ANTXR1: variants seen among roughly 807,000 people sequenced by gnomAD.
ANTXR1 encodes anthrax toxin receptor 1.
In ANTXR1, 19 loss-of-function variants were observed where a neutral mutation model predicts 78.1. The observed-to-expected ratio is 0.24, with a 90% CI of 0.17 to 0.36. ANTXR1 has a LOEUF of 0.36. Ranked by LOEUF, ANTXR1 falls within the 10% of genes least tolerant of loss-of-function variation. The pLI, the probability that ANTXR1 is intolerant of heterozygous loss-of-function variation, is 1.00. For synonymous variants in ANTXR1, 273 were observed against 260.5 expected (o/e 1.05, Z -0.46); for missense variants, 518 against 718.6 (o/e 0.72, Z 3.19).
chr2:69,078,815 T>A (rs1467029893), intron 8 of ANTXR1, among the ~76,000 whole-genome samples: 1 of 152,242 alleles, frequency 6.6e-6, no homozygotes, highest in Non-Finnish European at 1.5e-5. Context: ...CGGATATTAA[T>A]GTCAGCTTCC....
intron 1 of ANTXR1, among the ~76,000 whole-genome samples, chr2:69,029,339 CA>C (rs1671457347): frequency 6.7e-6 from 1 of 149,078 alleles, no homozygotes; most frequent in Admixed American, 6.7e-5. Flanking sequence ...GATATATACA[CA>C]ATAACAATTC....
At chr2:69,017,851 T>A (rs760486734) in intron 1 of ANTXR1, among the ~76,000 whole-genome samples, 1 of 152,172 alleles carries the variant, frequency 6.6e-6, no homozygotes, top group Non-Finnish European at 1.5e-5. Context: ...CCAAGATGAA[T>A]GCACCCATTT....
At position 69,102,908 on chromosome 2, in the gene ANTXR1, G is replaced by C; in HGVS notation, c.770G>C (p.Cys257Ser). Reference protein sequence around the residue: ...RHARNVDRVLCSFKINDSVTL... With the variant: ...RHARNVDRVLSSFKINDSVTL... ...GCCCGCAACGTGGACAGGGTCCTCT[G>C]CAGCTTCAAGATCAATGACTCGGTC... The change falls in exon 10 of 18, where the codon TGC becomes TCC. Residue 257 changes from cysteine (C) to serine (S), a missense_variant. By Grantham distance (112) the Cys-to-Ser change is moderately radical. Coordinates refer to ENST00000303714, the MANE Select transcript of ANTXR1 (RefSeq NM_032208.3). 1 of 1,614,150 alleles carries C rather than the reference G, an allele frequency of 6.2e-7. No homozygotes were observed. The highest frequency in any genetic ancestry group is 8.5e-7 in the Non-Finnish European group (1 of 1,180,024).
At position 69,246,534 on chromosome 2, in the gene ANTXR1, TGA is replaced by T. The variant is rs966254734; in HGVS notation, c.*1054_*1055del. Reference sequence around the variant, plus strand: ...TGCACCACAGACTTCTGGGCAGAGCTGAGAGACAATGGTCCTGACATAATAAG... The same window carrying T: ...TGCACCACAGACTTCTGGGCAGAGCTGAGACAATGGTCCTGACATAATAAG... On this transcript the variant is annotated 3_prime_UTR_variant, in exon 18 of 18. Transcript: ENST00000303714. 6.6e-6 allele frequency: 1 copy of T among 152,202 alleles called. No homozygotes were observed. The highest frequency in any genetic ancestry group is 2.4e-5 in the African/African-American group (1 of 41,452). The allele number at this position is 152,202 out of a possible 1,614,324, so 9.4% of individuals were successfully genotyped here.
At chr2:69,175,235 A>T (rs1674088913) in intron 14 of ANTXR1, among the ~76,000 whole-genome samples, 2 of 152,134 alleles carry the variant, frequency 1.3e-5, no homozygotes, top group Non-Finnish European at 2.9e-5. Flanking sequence ...AGCTATTCTC[A>T]TTAGCTCTCT....
chr2:69,081,703 G>A (rs1450981910), intron 8 of ANTXR1, among the ~76,000 whole-genome samples: 2 of 152,196 alleles, frequency 1.3e-5, no homozygotes, highest in African/African-American at 4.8e-5. Context: ...CAGCCCTAAG[G>A]GGGAAAGCAG....
Position 69,109,508 on chromosome 2 carries a change from G to T in ANTXR1, c.802+6568G>T, listed in dbSNP as rs139059079. Among the ~76,000 whole-genome samples the T allele has an allele frequency of 7.0e-4, 106 of 152,254 alleles. 2 individuals are homozygous for T. In the South Asian group the frequency reaches 0.011, roughly 16 times the overall value. On this transcript the variant is annotated intron_variant, in intron 10 of 17. Transcript: ENST00000303714. The stretch of plus-strand genomic sequence containing the variant: ...AATGTATGATCACACCACAGTAGGC[G>T]AACTGAGCTTTGGAACAAAGCCCAT...
At chr2:69,160,983 C>T (rs1260615608) in intron 13 of ANTXR1, among the ~76,000 whole-genome samples, 1 of 152,174 alleles carries the variant, frequency 6.6e-6, no homozygotes, top group African/African-American at 2.4e-5. Context: ...GAGGCTGTAT[C>T]AATATCAACA....
chr2:69,075,692 A>G (rs751239865), intron 7 of ANTXR1, 34 bp downstream of exon 7: 14 of 1,588,044 alleles, frequency 8.8e-6, no homozygotes, highest in Non-Finnish European at 1.2e-5. Context: ...TTTGGAGCAT[A>G]CTGAGCTTGT....
intron 16 of ANTXR1, among the ~76,000 whole-genome samples, chr2:69,189,265 C>T (rs1363492915): frequency 2.0e-4 from 30 of 152,318 alleles, no homozygotes; most frequent in Non-Finnish European, 2.9e-5. Flanking sequence ...GACAGCAGCT[C>T]ACCCGGATCA....
intron 16 of ANTXR1, among the ~76,000 whole-genome samples, chr2:69,187,818 T>C (rs1674457556): frequency 6.6e-6 from 1 of 151,616 alleles, no homozygotes; most frequent in Non-Finnish European, 1.5e-5. Context: ...CTCAATCTCT[T>C]GACCTCTTGA....
intron 1 of ANTXR1, among the ~76,000 whole-genome samples, chr2:69,016,137 G>A (rs994646450): frequency 6.6e-6 from 1 of 152,124 alleles, no homozygotes; most frequent in Admixed American, 6.5e-5. Flanking sequence ...TTTCTAGGTC[G>A]GTAGAAAAGT....
chr2:69,210,119 C>A (rs928178658), intron 17 of ANTXR1, among the ~76,000 whole-genome samples: 5 of 152,136 alleles, frequency 3.3e-5, no homozygotes, highest in African/African-American at 9.7e-5. Flanking sequence ...GAGATAAAGC[C>A]AATGAGACTG....
chr2:69,219,210 G>T (rs1314804855), intron 17 of ANTXR1, among the ~76,000 whole-genome samples: 2 of 152,132 alleles, frequency 1.3e-5, no homozygotes, highest in Non-Finnish European at 2.9e-5. Context: ...ATTTGGGGTT[G>T]ATTTAGAGCA....
At chr2:69,041,694 C>T (rs1050471077) in intron 2 of ANTXR1, among the ~76,000 whole-genome samples, 1 of 152,222 alleles carries the variant, frequency 6.6e-6, no homozygotes, top group Non-Finnish European at 1.5e-5. Context: ...TTTCTCAGTT[C>T]CCTCAGCAAT....
chr2:69,088,995 G>A (rs1159662788), intron 8 of ANTXR1, among the ~76,000 whole-genome samples: 1 of 152,200 alleles, frequency 6.6e-6, no homozygotes, highest in Non-Finnish European at 1.5e-5. Context: ...GGACCAGGGA[G>A]GAACTGAGGC....
At chr2:69,221,770 T>C (rs947036187) in intron 17 of ANTXR1, among the ~76,000 whole-genome samples, 3 of 152,078 alleles carry the variant, frequency 2.0e-5, no homozygotes, top group African/African-American at 7.2e-5. Context: ...GAAATAAATA[T>C]GTACTTTGCA....
chr2:69,170,357 C>A, intron 14 of ANTXR1, 68 bp downstream of exon 14: 3 of 1,568,962 alleles, frequency 1.9e-6, no homozygotes, highest in Non-Finnish European at 2.6e-6. Context: ...GCTGGCTGGG[C>A]AGCTGGACAC....
chr2:69,065,331 A>G (rs1189979622), intron 3 of ANTXR1, among the ~76,000 whole-genome samples: 1 of 151,592 alleles, frequency 6.6e-6, no homozygotes, highest in Non-Finnish European at 1.5e-5. Flanking sequence ...AGGCTGAGGC[A>G]GGAGAACTAC....
Sources: gnomAD v4.1 joint callset for allele counts (sites outside exome capture counted in the v4.1 genomes callset) on GRCh38, gnomAD v4.1.1 for gene constraint, MANE v1.5 for transcripts, NCBI Gene and HGNC (gene_info 2026-07-23, HGNC 2026-07-21) for gene names.